PIWIL1: variants seen among roughly 807,000 people sequenced by gnomAD.
PIWIL1 encodes piwi-like protein 1.
PIWIL1 carries 73 observed loss-of-function variants against 114.4 expected under a neutral mutation model. The ratio of observed to expected loss-of-function variants is 0.64; its 90% CI spans 0.53 to 0.78. PIWIL1 has a LOEUF of 0.78. Ranked by LOEUF, PIWIL1 falls within the 30% of genes least tolerant of loss-of-function variation. PIWIL1 has a pLI of 0.00. For synonymous variants in PIWIL1, 375 were observed against 369.0 expected (o/e 1.02, Z -0.19); for missense variants, 723 against 1,063.1 (o/e 0.68, Z 4.45).
intron 18 of PIWIL1, among the ~76,000 whole-genome samples, chr12:130,365,426 G>A (rs1346858880): frequency 1.3e-5 from 2 of 152,140 alleles, no homozygotes; most frequent in African/African-American, 4.8e-5. Context: ...AGATAGTTCT[G>A]GGAAAAACCT....
chr12:130,349,230 G>C lies in PIWIL1; in HGVS notation c.735-9G>C, dbSNP rs374302739. 3.1e-6 allele frequency: 5 copies of C among 1,609,360 alleles called. No homozygotes were observed. Among genetic ancestry groups the C allele is most frequent in the Non-Finnish European group, 4.3e-6 (5 of 1,175,888 alleles). ...AGAGGTTCTTCATGACCCCCATCTC[G>C]TCTGACAGGTTGGTGATTTGGCCTG... On this transcript the variant is annotated splice_polypyrimidine_tract_variant and intron_variant, in intron 7 of 20. Transcript: ENST00000245255.
Position 130,346,356 on chromosome 12 carries a change from A to T in PIWIL1, c.317-14A>T, listed in dbSNP as rs761818173. The T allele has an allele frequency of 6.3e-7, 1 of 1,592,028 alleles. No individual in the cohort carries two copies. Among genetic ancestry groups the T allele is most frequent in the Admixed American group, 1.7e-5 (1 of 59,470 alleles). On this transcript the variant is annotated splice_polypyrimidine_tract_variant and intron_variant, in intron 4 of 20. Transcript: ENST00000245255. Reference sequence around the variant, plus strand: ...CTTGATATTTTGTTAATTGACTATAACTTCCTTTTCCAGGTTCTTCAGGCA... The same window carrying T: ...CTTGATATTTTGTTAATTGACTATATCTTCCTTTTCCAGGTTCTTCAGGCA...
At chr12:130,393,578 T>C in the PIWIL1 span, among the ~76,000 whole-genome samples, 1 of 152,260 alleles carries the variant, frequency 6.6e-6, no homozygotes, top group Non-Finnish European at 1.5e-5. Context: ...GTCACCATCC[T>C]CACGTGTGTG....
At chr12:130,409,012 TCTCCTCCAG>T in the PIWIL1 span, among the ~76,000 whole-genome samples, 16 of 152,176 alleles carry the variant, frequency 1.1e-4, no homozygotes, top group African/African-American at 3.9e-4. Flanking sequence ...CACATGTGTG[TCTCCTCCAG>T]AGGTTCGTGT....
At chr12:130,361,800 T>C (rs148374463) in intron 16 of PIWIL1, among the ~76,000 whole-genome samples, 199 bp downstream of exon 16, 1 of 152,288 alleles carries the variant, frequency 6.6e-6, no homozygotes, top group Admixed American at 6.5e-5. Flanking sequence ...GCATTTCAGA[T>C]TTTTTTTAAT....
chr12:130,373,277 G>A (rs148199310), downstream of PIWIL1, among the ~76,000 whole-genome samples: 183 of 152,276 alleles, frequency 1.2e-3, no homozygotes, highest in African/African-American at 3.6e-3. Flanking sequence ...TCATACGACT[G>A]GAAAATATTA....
intron 14 of PIWIL1, among the ~76,000 whole-genome samples, chr12:130,359,509 TC>T (rs2073454191): frequency 6.6e-6 from 1 of 152,154 alleles, no homozygotes; most frequent in South Asian, 2.1e-4. Flanking sequence ...GGGGAGGGTG[TC>T]TCACAAGTAG....
chr12:130,399,895 A>C, the PIWIL1 span: 47 of 1,458,538 alleles, frequency 3.2e-5, no homozygotes, highest in Non-Finnish European at 4.2e-5. Context: ...AATACAGCTC[A>C]GAGTACAGGT....
the PIWIL1 span, among the ~76,000 whole-genome samples, chr12:130,388,144 C>G: frequency 1.3e-3 from 193 of 152,248 alleles, no homozygotes; most frequent in Admixed American, 2.0e-3. Flanking sequence ...TTTTGAGTCT[C>G]GCTCTGTCAC....
At chr12:130,367,724 C>A (rs143941337) in intron 19 of PIWIL1, among the ~76,000 whole-genome samples, 2 of 152,158 alleles carry the variant, frequency 1.3e-5, no homozygotes, top group African/African-American at 4.8e-5. Context: ...GAATGCCAGC[C>A]GGAGCTTACA....
chr12:130,397,237 G>C, the PIWIL1 span: 1 of 392,686 alleles, frequency 2.5e-6, no homozygotes, highest in Non-Finnish European at 4.5e-6. Context: ...GTGCAAAAGT[G>C]CATTTCTCTA....
Position 130,345,896 on chromosome 12 carries a change from A to G in PIWIL1, c.316+18A>G. The stretch of plus-strand genomic sequence containing the variant: ...AAAAACAGGTAGGTTAATTAAGAAT[A>G]AGTTTTGTGAGATTACATCTCAGGA... On this transcript the variant is annotated intron_variant, in intron 4 of 20. Transcript: ENST00000245255. The G allele has an allele frequency of 1.2e-6, 2 of 1,612,066 alleles. No individual in the cohort carries two copies. Among genetic ancestry groups the G allele is most frequent in the Non-Finnish European group, 1.7e-6 (2 of 1,178,978 alleles).
rs1363758995 is a variant in PIWIL1, at chr12:130,357,490, G to A, written c.1602G>A (p.Val534=). Residue 534 remains valine (V), a synonymous_variant, in exon 14 of 21, where the codon GTG becomes GTA. Coordinates refer to ENST00000245255, the MANE Select transcript of PIWIL1 (RefSeq NM_004764.5). ...TGTACTTTCATTCTAGGATTGAAGTGGATGACAGAACTGAAGCCTACTTAA... is the reference window on the plus strand; with the variant it reads ...TGTACTTTCATTCTAGGATTGAAGTAGATGACAGAACTGAAGCCTACTTAA... ...MQMRKAIMIE[V]DDRTEAYLRV... 2 of 1,612,626 alleles carry A rather than the reference G, an allele frequency of 1.2e-6. No individual in the cohort carries two copies. The highest frequency in any genetic ancestry group is 1.7e-6 in the Non-Finnish European group (2 of 1,178,734).
chr12:130,371,467 T>C lies in PIWIL1; in HGVS notation c.2470-15T>C, dbSNP rs376123823. The C allele has an allele frequency of 3.7e-6, 6 of 1,612,800 alleles. No individual in the cohort carries two copies. In the African/African-American group the frequency reaches 6.7e-5, roughly 18 times the overall value. ...AAGTCTAGAGTAATAGAACCTTTTT[T>C]TCCTTCCACTAAAGGGTGTCATTCG... On this transcript the variant is annotated splice_polypyrimidine_tract_variant and intron_variant, in intron 20 of 20. Transcript: ENST00000245255.
chr12:130,386,295 A>C, the PIWIL1 span, among the ~76,000 whole-genome samples: 2 of 152,080 alleles, frequency 1.3e-5, no homozygotes, highest in African/African-American at 4.8e-5. Context: ...TTCCTTATTA[A>C]TAAGGAAATG....
chr12:130,396,271 ATAGCGTTTT>A, the PIWIL1 span: 1 of 152,694 alleles, frequency 6.5e-6, no homozygotes, highest in Non-Finnish European at 1.5e-5. Flanking sequence ...ACAATTTATA[ATAGCGTTTT>A]TGAAGACACA....
At chr12:130,353,037 G>T (rs568862566) in intron 9 of PIWIL1, among the ~76,000 whole-genome samples, 13 of 152,226 alleles carry the variant, frequency 8.5e-5, no homozygotes, top group Non-Finnish European at 1.8e-4. Flanking sequence ...GCTTGTAGTA[G>T]GTGGCCAGGA....
Position 130,340,763 on chromosome 12 carries a change from C to G in PIWIL1, c.-12-1817C>G, listed in dbSNP as rs557889355. 4.6e-5 allele frequency among the ~76,000 whole-genome samples: 7 copies of G among 152,074 alleles called. No homozygotes were observed. The East Asian group carries it at 1.4e-3, about 29-fold the overall frequency. ...CAGTATGCCCCGTGTGTAAGCCGAGCATGCATACGTAATCATTGTCATGAT... is the reference window on the plus strand; with the variant it reads ...CAGTATGCCCCGTGTGTAAGCCGAGGATGCATACGTAATCATTGTCATGAT... On this transcript the variant is annotated intron_variant, in intron 1 of 20. Coordinates refer to ENST00000245255, the MANE Select transcript of PIWIL1 (RefSeq NM_004764.5).
At chr12:130,423,784 T>C in the PIWIL1 span, among the ~76,000 whole-genome samples, 20 of 142,794 alleles carry the variant, frequency 1.4e-4, 1 homozygote, top group South Asian at 4.0e-3. Flanking sequence ...CTAGTAGTCA[T>C]AAATAAATCC....
Sources: allele counts gnomAD v4.1 joint callset (sites outside exome capture counted in the v4.1 genomes callset), GRCh38; gene constraint gnomAD v4.1.1; transcripts MANE v1.5; gene names NCBI Gene and HGNC (gene_info 2026-07-23, HGNC 2026-07-21).